The following LIX1 variants were observed in gnomAD, a reference collection of about 807,000 sequenced individuals.
LIX1 encodes the protein protein limb expression 1 homolog.
In LIX1, 24 loss-of-function variants were observed where a neutral mutation model predicts 33.4. The ratio of observed to expected loss-of-function variants is 0.72; its 90% confidence interval spans 0.52 to 1.01. The LOEUF (loss-of-function observed/expected upper bound fraction) is 1.01. Ranked by LOEUF, LIX1 falls within the 50% of genes least tolerant of loss-of-function variation. The probability of loss-of-function intolerance (pLI) is 0.00; values close to 1 mark genes in which losing one functional copy is unlikely to be tolerated. For missense variants in LIX1, 311 were observed against 339.2 expected (o/e 0.92, Z 0.65); for synonymous variants, 124 against 124.0 (o/e 1.00, Z 0.00).
chr5:97,132,352 T>C (rs2112796234), intron 1 of LIX1, among the ~76,000 whole-genome samples: 1 of 152,318 alleles, frequency 6.6e-6, no homozygotes, highest in Non-Finnish European at 1.5e-5. Context: ...GTAAAATTTA[T>C]GGCAGAATAA....
chr5:97,103,076 G>A (rs1362197955), intron 4 of LIX1: 1 of 455,644 alleles, frequency 2.2e-6, no homozygotes, highest in Admixed American at 2.4e-5. Context: ...GCAAGTGGTA[G>A]AGCAGACTTC....
chr5:97,139,410 T>A (rs1457390194), intron 1 of LIX1, among the ~76,000 whole-genome samples: 2 of 152,222 alleles, frequency 1.3e-5, no homozygotes, highest in Non-Finnish European at 2.9e-5. Flanking sequence ...TATCTTGAAG[T>A]CATGTGGTGA....
chr5:97,123,497 G>A (rs2112787469), intron 2 of LIX1, among the ~76,000 whole-genome samples: 1 of 152,270 alleles, frequency 6.6e-6, no homozygotes, highest in Non-Finnish European at 1.5e-5. Context: ...TTCACCTTTA[G>A]CTCCTGAACA....
intron 1 of LIX1, among the ~76,000 whole-genome samples, chr5:97,129,289 C>T (rs541645713): frequency 2.0e-5 from 3 of 152,214 alleles, no homozygotes; most frequent in Middle Eastern, 3.4e-3. Flanking sequence ...AGAAAGTGCA[C>T]GCCCTACCCG....
chr5:97,122,739 A>G (rs950197062), intron 2 of LIX1, among the ~76,000 whole-genome samples: 1 of 151,950 alleles, frequency 6.6e-6, no homozygotes, highest in East Asian at 1.9e-4. Context: ...TTTGTCTCCA[A>G]CTCCCCGCTG....
At chr5:97,133,520 T>A (rs10071737) in intron 1 of LIX1, among the ~76,000 whole-genome samples, 78,604 of 152,158 alleles carry the variant, frequency 0.52, 22,361 homozygotes, top group African/African-American at 0.78. Flanking sequence ...CTGTTCCTGT[T>A]TTGGAAACTA....
intron 3 of LIX1, among the ~76,000 whole-genome samples, chr5:97,106,001 G>A (rs1747000184): frequency 6.6e-6 from 1 of 152,358 alleles, no homozygotes; most frequent in Non-Finnish European, 1.5e-5. Context: ...TGCCAGCACA[G>A]ATAGCAGCAA....
At position 97,094,731 on chromosome 5, in the gene LIX1, C is replaced by A. The variant is rs779664833; in HGVS notation, c.*17G>T. 1 of 1,609,798 alleles carries A rather than the reference C, an allele frequency of 6.2e-7. No homozygotes were observed. ...CTGGCCTCTGCCATCACTGAGGGTA[C>A]CCGGGGCTTGGCCTTGCTAGTGATA... On this transcript the variant is annotated 3_prime_UTR_variant, in exon 6 of 6. Transcript: ENST00000274382.
chr5:97,139,013 C>T (rs1242014878), intron 1 of LIX1, among the ~76,000 whole-genome samples: 1 of 152,174 alleles, frequency 6.6e-6, no homozygotes, highest in Non-Finnish European at 1.5e-5. Context: ...GCATACTCAA[C>T]CTGTACTGCT....
In LIX1 at chr5:97,105,689, A is replaced by G. The variant is rs148873059; in HGVS notation, c.388-404T>C. 4.8e-3 allele frequency among the ~76,000 whole-genome samples: 731 copies of G among 152,358 alleles called. 11 individuals are homozygous for G. The highest frequency in any genetic ancestry group is 0.016 in the African/African-American group (676 of 41,580). On this transcript the variant is annotated intron_variant, in intron 3 of 5. Transcript: ENST00000274382. Reference sequence around the variant, plus strand: ...GACATGGAAAGAATTTGTCAGTTTTATGGACCATTCAGCTTTTACTGCCGT... The same window carrying G: ...GACATGGAAAGAATTTGTCAGTTTTGTGGACCATTCAGCTTTTACTGCCGT...
chr5:97,107,496 C>T lies in LIX1; in HGVS notation c.251G>A (p.Cys84Tyr). 6.2e-7 allele frequency: 1 copy of T among 1,614,028 alleles called. No homozygotes were observed. The highest frequency in any genetic ancestry group is 8.5e-7 in the Non-Finnish European group (1 of 1,179,982). ...GGSCFGNFQC[C>Y]LSRAEARRDA... ...CCGCCTGGCCTCGGCTCTACTTAAG[C>T]AGCACTTGAGAAGGGAGGGAGAAAA... is the stretch of plus-strand genomic sequence containing the variant. The change falls in exon 3 of 6, where the codon TGC becomes TAC. Residue 84 changes from cysteine (C) to tyrosine (Y), a missense_variant. Cys to Tyr is a radical substitution (Grantham distance 194). Transcript: ENST00000274382.
At chr5:97,119,101 G>A (rs562511471) in intron 2 of LIX1, among the ~76,000 whole-genome samples, 3 of 152,158 alleles carry the variant, frequency 2.0e-5, no homozygotes, top group Non-Finnish European at 4.4e-5. Context: ...TCATGAAACT[G>A]CCTGAAACCA....
intron 2 of LIX1, among the ~76,000 whole-genome samples, chr5:97,108,046 G>T (rs1580218910): frequency 6.6e-6 from 1 of 152,204 alleles, no homozygotes; most frequent in African/African-American, 2.4e-5. Context: ...TAATAGTAGG[G>T]TTGAGGTTAG....
At position 97,105,171 on chromosome 5, in the gene LIX1, G is replaced by A. The variant is rs779080887; in HGVS notation, c.483+19C>T. 1.2e-6 allele frequency: 2 copies of A among 1,601,132 alleles called. No homozygotes were observed. The highest frequency in any genetic ancestry group is 8.6e-7 in the Non-Finnish European group (1 of 1,168,212). ...CTGGATTGGATAATCAAACAAATAT[G>A]TGGCAGGCAGGCAGGTACCTGAAAC... On this transcript the variant is annotated intron_variant, in intron 4 of 5. Coordinates refer to ENST00000274382, the MANE Select transcript of LIX1 (RefSeq NM_153234.5).
intron 2 of LIX1, among the ~76,000 whole-genome samples, chr5:97,109,391 C>A (rs1203763702): frequency 3.3e-5 from 5 of 151,978 alleles, no homozygotes; most frequent in Non-Finnish European, 7.4e-5. Flanking sequence ...GTAGCTGGGT[C>A]TACAGGCACT....
At position 97,096,741 on chromosome 5, in the gene LIX1, C is replaced by G. The variant is rs1165880347; in HGVS notation, c.561+69G>C. On this transcript the variant is annotated intron_variant, in intron 5 of 5. Coordinates refer to ENST00000274382, the MANE Select transcript of LIX1 (RefSeq NM_153234.5). ...GGAAAAATCCGAATAAAGGAAATCTCCTGGGAAGATGATAAGCCACCTGCT... is the reference window on the plus strand; with the variant it reads ...GGAAAAATCCGAATAAAGGAAATCTGCTGGGAAGATGATAAGCCACCTGCT... 3.7e-6 allele frequency: 4 copies of G among 1,074,956 alleles called. No individual in the cohort carries two copies. The African/African-American group carries it at 6.3e-5, about 17-fold the overall frequency. 66.6% of individuals were successfully genotyped at this position (1,074,956 alleles called of 1,614,324 possible).
At chr5:97,139,315 G>A (rs1009759463) in intron 1 of LIX1, among the ~76,000 whole-genome samples, 1 of 152,240 alleles carries the variant, frequency 6.6e-6, no homozygotes. Context: ...AATGGTTGAA[G>A]AAAGAGCTCA....
At chr5:97,096,616 T>C (rs1032280071) in intron 5 of LIX1, among the ~76,000 whole-genome samples, 194 bp downstream of exon 5, 1 of 152,214 alleles carries the variant, frequency 6.6e-6, no homozygotes, top group Non-Finnish European at 1.5e-5. Context: ...CACGTTCTTT[T>C]TAGTGTGTAT....
At chr5:97,103,971 G>GAAAAAAAAA (rs36039071) in intron 4 of LIX1, among the ~76,000 whole-genome samples, 2 of 107,398 alleles carry the variant, frequency 1.9e-5, no homozygotes, top group Non-Finnish European at 4.2e-5. Context: ...TCTCAAAAAA[G>GAAAAAAAAA]AAAAAAAAAA....
Sources: gnomAD v4.1 joint callset for allele counts (sites outside exome capture counted in the v4.1 genomes callset) on GRCh38, gnomAD v4.1.1 for gene constraint, MANE v1.5 for transcripts, NCBI Gene and HGNC (gene_info 2026-07-23, HGNC 2026-07-21) for gene names.